Variants in XYLT2 observed in about 807,000 individuals in gnomAD.
The protein encoded by XYLT2 is xylosyltransferase 2.
A neutral mutation model predicts 82.6 loss-of-function variants in XYLT2; 37 were observed. The ratio of observed to expected loss-of-function variants is 0.45; its 90% confidence interval spans 0.34 to 0.59. XYLT2 has a LOEUF of 0.59. Ranked by LOEUF, XYLT2 falls within the 20% of genes least tolerant of loss-of-function variation. XYLT2 has a pLI of 0.01. For synonymous variants in XYLT2, 474 were observed against 499.0 expected (o/e 0.95, Z 0.67); for missense variants, 934 against 1,181.3 (o/e 0.79, Z 3.07).
At chr17:50,350,852 G>C (rs1912238742) in intron 1 of XYLT2, among the ~76,000 whole-genome samples, 1 of 152,182 alleles carries the variant, frequency 6.6e-6, no homozygotes, top group Non-Finnish European at 1.5e-5. Flanking sequence ...GAGGCAAGGA[G>C]TGTGAGCAGT....
At chr17:50,355,183 A>T in intron 4 of XYLT2, 127 bp downstream of exon 4, 2 of 1,078,610 alleles carry the variant, frequency 1.9e-6, no homozygotes, top group South Asian at 3.2e-5. Context: ...CTGCTCAGAC[A>T]TGGGCCCCTG....
intron 1 of XYLT2, among the ~76,000 whole-genome samples, chr17:50,349,129 C>T (rs994201000): frequency 2.0e-5 from 3 of 152,230 alleles, no homozygotes; most frequent in African/African-American, 7.2e-5. Context: ...CCACAGCCAA[C>T]CTGGCCCCGT....
In XYLT2 at chr17:50,353,834, C is replaced by A; in HGVS notation, c.340C>A (p.Pro114Thr). Residue 114 changes from proline (P) to threonine (T), a missense_variant, in exon 2 of 11, where the codon CCC becomes ACC. By Grantham distance (38) the Pro-to-Thr change is conservative. This residue lies in a region of XYLT2 where 371 missense variants were observed against 394.9 expected (regional missense o/e 0.94). Transcript: ENST00000017003. Reference sequence around the variant, plus strand: ...CAGCCGGCGGGTCCCACCTGCCCCACCCCCGGAAGCCCCAGGCCGCCAGAA... The same window carrying A: ...CAGCCGGCGGGTCCCACCTGCCCCAACCCCGGAAGCCCCAGGCCGCCAGAA... Reference protein sequence around the residue: ...RASRRVPPAPPPEAPGRQNLS... With the variant: ...RASRRVPPAPTPEAPGRQNLS... The A allele has an allele frequency of 6.3e-7, 1 of 1,592,690 alleles. No homozygotes were observed.
chr17:50,355,388 G>T (rs73344091), intron 4 of XYLT2, 113 bp from the exon 5 acceptor site: 14 of 1,158,802 alleles, frequency 1.2e-5, no homozygotes, highest in Admixed American at 3.8e-5. Flanking sequence ...GCCAGGGGTA[G>T]GGCACATGGC....
rs1453650025 is a variant in XYLT2 at position 50,353,625 on chromosome 17, T to C, written c.136-5T>C. 1.3e-6 allele frequency: 2 copies of C among 1,560,694 alleles called. No homozygotes were observed. Among genetic ancestry groups the C allele is most frequent in the Admixed American group, 1.9e-5 (1 of 52,148 alleles). On this transcript the variant is annotated splice_polypyrimidine_tract_variant and splice_region_variant and intron_variant, in intron 1 of 10. Transcript: ENST00000017003. ...CCCAGTGATGTGTCTGCATCTCTCT[T>C]ACAGAAAGGAAGGCAGAGGAAGCCA... is the stretch of plus-strand genomic sequence containing the variant.
chr17:50,354,217 C>A, intron 2 of XYLT2, 95 bp downstream of exon 2: 1 of 1,563,812 alleles, frequency 6.4e-7, no homozygotes. Flanking sequence ...AAGAAAGAGC[C>A]AAGGGGATCC....
In XYLT2 at chr17:50,353,865, G is replaced by C. The variant is rs368979862; in HGVS notation, c.371G>C (p.Ser124Thr). 353 of 1,608,602 alleles carry C rather than the reference G, an allele frequency of 2.2e-4. No homozygotes were observed. The highest frequency in any genetic ancestry group is 2.8e-4 in the Non-Finnish European group (336 of 1,179,142). ...GAAGCCCCAGGCCGCCAGAACCTGA[G>C]TGGGGCAGCAGCTGGGGAGGCGCTG... is the stretch of plus-strand genomic sequence containing the variant. ...PPEAPGRQNL[S>T]GAAAGEALVG... The change falls in exon 2 of 11, where the codon AGT (serine) becomes ACT (threonine). Residue 124 changes from serine to threonine, a missense_variant. Around this residue, in one of 3 missense-constraint regions of XYLT2, gnomAD observed 371 missense variants for 394.9 expected, o/e 0.94. Transcript: ENST00000017003.
chr17:50,346,139 A>C lies in XYLT2; in HGVS notation c.-2A>C. 1 of 1,244,514 alleles carries C rather than the reference A, an allele frequency of 8.0e-7. No homozygotes were observed. Among genetic ancestry groups the C allele is most frequent in the Non-Finnish European group, 1.0e-6 (1 of 969,260 alleles). 77.1% of individuals were successfully genotyped at this position (1,244,514 alleles called of 1,614,324 possible). A position where few individuals can be genotyped will look rare whatever the true frequency, so the allele number is the denominator to read the frequency against. On this transcript the variant is annotated 5_prime_UTR_variant, in exon 1 of 11. Coordinates refer to ENST00000017003, the MANE Select transcript of XYLT2 (RefSeq NM_022167.4). The surrounding 1 kb of genome is among the most constrained non-coding windows in gnomAD (Gnocchi z 5.1). ...CGCGCGCCCCGCGTCCCGGGCAGGA[A>C]GATGGTGGCGAGCGCGCGAGTGCAG...
At chr17:50,356,980 C>A in intron 8 of XYLT2, 77 bp from the exon 9 acceptor site, 1 of 1,504,066 alleles carries the variant, frequency 6.6e-7, no homozygotes, top group East Asian at 2.3e-5. Flanking sequence ...TGGGACTCCC[C>A]AGAGCCCCCT....
At chr17:50,358,104 A>G (rs563309066) in intron 9 of XYLT2, 103 bp from the exon 10 acceptor site, 42 of 1,104,996 alleles carry the variant, frequency 3.8e-5, no homozygotes, top group Non-Finnish European at 4.7e-5. Context: ...GAGGCCCAGA[A>G]AGAGACAGTG....
Position 50,358,225 on chromosome 17 carries a change from C to G in XYLT2, c.1960C>G (p.Pro654Ala). ...QSLEVGTDWDPKERLFRNFGG... is the reference protein window; with the variant it reads ...QSLEVGTDWDAKERLFRNFGG... The stretch of plus-strand genomic sequence containing the variant: ...TCTACAGGTTGGCACTGATTGGGAC[C>G]CCAAAGAGCGTCTTTTCCGGAACTT... Residue 654 changes from proline to alanine, a missense_variant, in exon 10 of 11, where the codon CCC (proline) becomes GCC (alanine). Pro to Ala is a conservative substitution (Grantham distance 27). This residue lies in a region of XYLT2 where 374 missense variants were observed against 465.6 expected (regional missense o/e 0.80). Transcript: ENST00000017003. 1 of 1,607,244 alleles carries G rather than the reference C, an allele frequency of 6.2e-7. No homozygotes were observed. The highest frequency in any genetic ancestry group is 8.5e-7 in the Non-Finnish European group (1 of 1,175,958).
At position 50,360,571 on chromosome 17, in the gene XYLT2, C is replaced by CTTTTTTTTT. The variant is rs386386236; in HGVS notation, c.*291_*299dup. On this transcript the variant is annotated 3_prime_UTR_variant, in exon 11 of 11. Transcript: ENST00000017003. ...TGTCTAGTTTGAATTTCTTTTTTTT[C>CTTTTTTTTT]TTTTTTTTTTTTTTTTTTTAATTTA... 6 of 979,846 alleles carry CTTTTTTTTT rather than the reference C, an allele frequency of 6.1e-6. No individual in the cohort carries two copies. The highest frequency in any genetic ancestry group is 2.0e-5 in the African/African-American group (1 of 50,596). The allele number at this position is 979,846 out of a possible 1,614,324, so 60.7% of individuals were successfully genotyped here.
At chr17:50,347,179 A>T (rs1274139918) in intron 1 of XYLT2, among the ~76,000 whole-genome samples, 1 of 152,116 alleles carries the variant, frequency 6.6e-6, no homozygotes, top group Non-Finnish European at 1.5e-5. Flanking sequence ...GATGGAGAGG[A>T]CAGGCCACAC....
chr17:50,353,333 G>T (rs2097844), intron 1 of XYLT2, among the ~76,000 whole-genome samples: 1 of 151,902 alleles, frequency 6.6e-6, no homozygotes, highest in Non-Finnish European at 1.5e-5. Flanking sequence ...GCTGAAAAAG[G>T]AAGTGGTATC....
At chr17:50,353,589 T>C in intron 1 of XYLT2, 41 bp from the exon 2 acceptor site, 1 of 1,532,444 alleles carries the variant, frequency 6.5e-7, no homozygotes, top group Middle Eastern at 1.7e-4. Flanking sequence ...CAGGAGGAGG[T>C]GAGGGTCTGC....
intron 3 of XYLT2, 109 bp from the exon 4 acceptor site, chr17:50,354,745 G>T (rs1420470620): frequency 1.2e-5 from 19 of 1,550,502 alleles, no homozygotes; most frequent in Non-Finnish European, 1.6e-5. Flanking sequence ...CTTAGGGGCT[G>T]GAGCCCTGCC....
At position 50,354,292 on chromosome 17, in the gene XYLT2, C is replaced by T. The variant is rs571574035; in HGVS notation, c.629-116C>T. The T allele has an allele frequency of 1.8e-4, 275 of 1,487,794 alleles. 1 individual carries two copies. The highest frequency in any genetic ancestry group is 2.5e-4 in the Middle Eastern group (1 of 4,046). 92.2% of individuals were successfully genotyped at this position (1,487,794 alleles called of 1,614,324 possible). ...GTGGCAGAGGCAGAGTGGGGACCCA[C>T]GAGCATGGAGCTCCAAGTCTAGGTT... On this transcript the variant is annotated intron_variant, in intron 2 of 10. Transcript: ENST00000017003.
intron 5 of XYLT2, 68 bp downstream of exon 5, chr17:50,355,649 C>G: frequency 6.3e-7 from 1 of 1,593,254 alleles, no homozygotes; most frequent in Non-Finnish European, 8.6e-7. Context: ...CAGTTGGGCT[C>G]GGTGGCTCCA....
intron 1 of XYLT2, among the ~76,000 whole-genome samples, chr17:50,352,832 G>A (rs1290079074): frequency 6.6e-6 from 1 of 152,236 alleles, no homozygotes; most frequent in Non-Finnish European, 1.5e-5. Flanking sequence ...GGGACTGAGT[G>A]TGGAGGTGGC....
Sources: allele counts gnomAD v4.1 joint callset (sites outside exome capture counted in the v4.1 genomes callset), GRCh38; gene constraint gnomAD v4.1.1; regional missense constraint gnomAD v4.1.1; non-coding constraint Gnocchi (gnomAD v3.1); transcripts MANE v1.5; gene names NCBI Gene and HGNC (gene_info 2026-07-23, HGNC 2026-07-21).